The following IGDCC4 variants were observed in gnomAD, a reference collection of about 807,000 sequenced individuals.
IGDCC4 encodes the protein immunoglobulin superfamily DCC subclass member 4, also known as likely ortholog of mouse neighbor of Punc E11.
In IGDCC4, 72 loss-of-function variants were observed where a neutral mutation model predicts 116.6. That is an observed-to-expected ratio of 0.62 (90% CI 0.51 to 0.75). The LOEUF (loss-of-function observed/expected upper bound fraction) is 0.75, where lower values mean the gene tolerates loss of function less well. Among genes scored for constraint, IGDCC4 ranks in the 30% least tolerant of loss-of-function variants. The pLI is 0.00. For synonymous variants in IGDCC4, 709 were observed against 719.9 expected (o/e 0.98, Z 0.24); for missense variants, 1,501 against 1,662.4 (o/e 0.90, Z 1.69).
At chr15:65,389,033 G>C in intron 14 of IGDCC4, 55 bp from the exon 15 acceptor site, 1 of 1,221,364 alleles carries the variant, frequency 8.2e-7, no homozygotes, top group Non-Finnish European at 1.1e-6. Context: ...GACAGAGCAT[G>C]ATGATATGAC....
In IGDCC4 at chr15:65,383,826, C is replaced by A. The variant is rs554547788; in HGVS notation, c.*183G>T. The A allele has an allele frequency of 1.6e-4, 86 of 523,862 alleles. No individual in the cohort carries two copies. Among genetic ancestry groups the A allele is most frequent in the African/African-American group, 1.5e-3 (78 of 52,348 alleles). 32.5% of individuals were successfully genotyped at this position (523,862 alleles called of 1,614,324 possible). A position where few individuals can be genotyped will look rare whatever the true frequency, so the allele number is the denominator to read the frequency against. ...TGTCTTTCACATGTCACATGTGTAT[C>A]ACAAAGAGTATGGGGGGAGTGAATA... On this transcript the variant is annotated 3_prime_UTR_variant, in exon 20 of 20. Coordinates refer to ENST00000352385, the MANE Select transcript of IGDCC4 (RefSeq NM_020962.3).
At chr15:65,401,281 C>G (rs1168587511) in intron 4 of IGDCC4, among the ~76,000 whole-genome samples, 1 of 152,186 alleles carries the variant, frequency 6.6e-6, no homozygotes, top group Non-Finnish European at 1.5e-5. Context: ...GACTTGGAGT[C>G]AACAGTTATA....
rs779637176 is a variant in IGDCC4, at chr15:65,384,429, G to A, written c.3343-10C>T. On this transcript the variant is annotated splice_polypyrimidine_tract_variant and intron_variant, in intron 19 of 19. Coordinates refer to ENST00000352385, the MANE Select transcript of IGDCC4 (RefSeq NM_020962.3). The surrounding 1 kb of genome is among the most constrained non-coding windows in gnomAD (Gnocchi z 4.9). ...TCTTCCTCCCATTGCCCTGATCAGA[G>A]CAGAGAACACAAAGACAAAGTGACC... 10 of 1,493,426 alleles carry A rather than the reference G, an allele frequency of 6.7e-6. No homozygotes were observed. In the East Asian group the frequency reaches 2.3e-4, roughly 34 times the overall value. 92.5% of individuals were successfully genotyped at this position (1,493,426 alleles called of 1,614,324 possible).
At chr15:65,399,228 T>C (rs2062959640) in intron 5 of IGDCC4, among the ~76,000 whole-genome samples, 1 of 152,088 alleles carries the variant, frequency 6.6e-6, no homozygotes, top group Admixed American at 6.5e-5. Context: ...CCCAGCACCT[T>C]GGGAGGCCAA....
At chr15:65,389,686 G>T (rs946565936) in intron 13 of IGDCC4, among the ~76,000 whole-genome samples, 2 of 152,198 alleles carry the variant, frequency 1.3e-5, no homozygotes, top group African/African-American at 2.4e-5. Flanking sequence ...AATCATCTCC[G>T]ATGCATCTTT....
rs117355909 is a variant in IGDCC4 at position 65,397,557 on chromosome 15, C to T, written c.842-568G>A. On this transcript the variant is annotated intron_variant, in intron 5 of 19. Coordinates refer to ENST00000352385, the MANE Select transcript of IGDCC4 (RefSeq NM_020962.3). ...TTCAAAACAGATGTTAGGCTGGGCA[C>T]GGTGGCTCATGCCTGTGCTCTTGGC... 7.3e-3 allele frequency among the ~76,000 whole-genome samples: 1,108 copies of T among 151,824 alleles called. 6 individuals are homozygous for T. The highest frequency in any genetic ancestry group is 0.012 in the Non-Finnish European group (827 of 67,978).
rs2091406588 is a variant in IGDCC4 at position 65,382,214 on chromosome 15, A to G, written c.*1795T>C. The G allele has an allele frequency of 1.3e-5, 2 of 152,576 alleles. No homozygotes were observed. Among genetic ancestry groups the G allele is most frequent in the Non-Finnish European group, 2.9e-5 (2 of 68,034 alleles). The allele number at this position is 152,576 out of a possible 1,614,324, so 9.5% of individuals were successfully genotyped here. On this transcript the variant is annotated 3_prime_UTR_variant, in exon 20 of 20. Transcript: ENST00000352385. ...GAATGCTACAGAAATACTACAAGTGACAATTCTGTCTTTAACGAGATACAA... is the reference window on the plus strand; with the variant it reads ...GAATGCTACAGAAATACTACAAGTGGCAATTCTGTCTTTAACGAGATACAA...
At chr15:65,400,734 C>G (rs893022001) in intron 5 of IGDCC4, 72 bp downstream of exon 5, 1 of 1,521,028 alleles carries the variant, frequency 6.6e-7, no homozygotes, top group African/African-American at 1.4e-5. Context: ...ATACATCCCC[C>G]TGACTTAGGG....
At chr15:65,408,866 G>T (rs868001653) in intron 3 of IGDCC4, among the ~76,000 whole-genome samples, 1 of 148,558 alleles carries the variant, frequency 6.7e-6, no homozygotes, top group African/African-American at 2.5e-5. Flanking sequence ...TTGAGACAGG[G>T]TCTCGGTGTG....
At chr15:65,397,058 T>G in intron 5 of IGDCC4, 69 bp from the exon 6 acceptor site, 1 of 1,517,938 alleles carries the variant, frequency 6.6e-7, no homozygotes, top group Non-Finnish European at 8.9e-7. Flanking sequence ...TCTCCGAACC[T>G]CAGGAACACT....
chr15:65,392,163 T>C lies in IGDCC4; in HGVS notation c.2093A>G (p.Lys698Arg). The change falls in exon 11 of 20, where the codon AAA becomes AGA. Residue 698 changes from lysine to arginine, a missense_variant. Lys to Arg is a conservative substitution (Grantham distance 26, BLOSUM62 2). Coordinates refer to ENST00000352385, the MANE Select transcript of IGDCC4 (RefSeq NM_020962.3). ...WDVGPVRLKK[K>R]VKQYELTQLV... Reference sequence around the variant, plus strand: ...CTGGGTCAGCTCATACTGCTTCACTTTCTTCTTGAGCCGGACAGGCCCCAC... The same window carrying C: ...CTGGGTCAGCTCATACTGCTTCACTCTCTTCTTGAGCCGGACAGGCCCCAC... The C allele has an allele frequency of 6.2e-7, 1 of 1,613,072 alleles. No homozygotes were observed. Among genetic ancestry groups the C allele is most frequent in the Non-Finnish European group, 8.5e-7 (1 of 1,179,554 alleles).
At chr15:65,419,813 C>T (rs1004865509) in intron 1 of IGDCC4, among the ~76,000 whole-genome samples, 2 of 152,196 alleles carry the variant, frequency 1.3e-5, no homozygotes, top group African/African-American at 2.4e-5. Context: ...GAACAGAGCT[C>T]GGCTTCTCGC....
At chr15:65,419,353 C>G (rs1379104487) in intron 1 of IGDCC4, among the ~76,000 whole-genome samples, 1 of 151,944 alleles carries the variant, frequency 6.6e-6, no homozygotes, top group Admixed American at 6.6e-5. Flanking sequence ...AGGTATGAGC[C>G]TGGCCTGAAA....
chr15:65,403,304 G>A (rs2063007745), intron 3 of IGDCC4, among the ~76,000 whole-genome samples: 1 of 152,206 alleles, frequency 6.6e-6, no homozygotes, highest in Non-Finnish European at 1.5e-5. Flanking sequence ...TATGTTTGGG[G>A]ACATGTAGGC....
chr15:65,401,380 G>A (rs72731346), intron 4 of IGDCC4, among the ~76,000 whole-genome samples: 8,294 of 152,274 alleles, frequency 0.054, 391 homozygotes, highest in Non-Finnish European at 0.076. Context: ...AGTGGAAAAG[G>A]CAGACAGTGG....
rs2091403793 is a variant in IGDCC4, at chr15:65,381,867, T to A, written c.*2142A>T. On this transcript the variant is annotated 3_prime_UTR_variant, in exon 20 of 20. Transcript: ENST00000352385. Reference sequence around the variant, plus strand: ...CTAGTGAGAAATGGCCACTTTCTTATCAACTGTGAGTTATAGGCAGATACC... The same window carrying A: ...CTAGTGAGAAATGGCCACTTTCTTAACAACTGTGAGTTATAGGCAGATACC... 6.6e-6 allele frequency: 1 copy of A among 152,668 alleles called. No individual in the cohort carries two copies. The highest frequency in any genetic ancestry group is 2.4e-5 in the African/African-American group (1 of 41,466). 9.5% of individuals were successfully genotyped at this position (152,668 alleles called of 1,614,324 possible). A position where few individuals can be genotyped will look rare whatever the true frequency, so the allele number is the denominator to read the frequency against.
rs916230937 is a variant in IGDCC4 at position 65,393,609 on chromosome 15, G to A, written c.1715-78C>T. 1.2e-5 allele frequency: 17 copies of A among 1,433,446 alleles called. No individual in the cohort carries two copies. The highest frequency in any genetic ancestry group is 6.2e-5 in the Admixed American group (3 of 48,498). The allele number at this position is 1,433,446 out of a possible 1,614,324, so 88.8% of individuals were successfully genotyped here. Reference sequence around the variant, plus strand: ...CTAAACCCCCCTACATGGCTCTTCCGCCTCACATCCCGGTTCCTCCGTGCC... The same window carrying A: ...CTAAACCCCCCTACATGGCTCTTCCACCTCACATCCCGGTTCCTCCGTGCC... On this transcript the variant is annotated intron_variant, in intron 9 of 19. Coordinates refer to ENST00000352385, the MANE Select transcript of IGDCC4 (RefSeq NM_020962.3). This position sits in a 1 kb window ranked among gnomAD's most constrained non-coding sequence, Gnocchi z 4.6.
intron 3 of IGDCC4, among the ~76,000 whole-genome samples, chr15:65,405,170 C>G (rs557616722): frequency 6.7e-6 from 1 of 149,236 alleles, no homozygotes; most frequent in Non-Finnish European, 1.5e-5. Context: ...TGAAGAAATT[C>G]TACTTTTAGA....
At chr15:65,386,223 C>A (rs1567079365) in intron 17 of IGDCC4, among the ~76,000 whole-genome samples, 164 bp from the exon 18 acceptor site, 1 of 152,204 alleles carries the variant, frequency 6.6e-6, no homozygotes, top group Admixed American at 6.5e-5. Context: ...TTCAAAACAG[C>A]CTGATGCTGT....
Sources: allele counts gnomAD v4.1 joint callset (sites outside exome capture counted in the v4.1 genomes callset), GRCh38; gene constraint gnomAD v4.1.1; non-coding constraint Gnocchi (gnomAD v3.1); transcripts MANE v1.5; gene names NCBI Gene and HGNC (gene_info 2026-07-23, HGNC 2026-07-21).